NAA60: variants seen among roughly 807,000 people sequenced by gnomAD.
NAA60 encodes the protein N-alpha-acetyltransferase 60, NatF catalytic subunit.
A neutral mutation model predicts 26.1 loss-of-function variants in NAA60; 8 were observed. That is an observed-to-expected ratio of 0.31 (90% CI 0.18 to 0.55). The LOEUF is 0.55. Ranked by LOEUF, NAA60 falls within the 20% of genes least tolerant of loss-of-function variation. NAA60 has a pLI of 0.93. For missense variants in NAA60, 290 were observed against 311.3 expected (o/e 0.93, Z 0.51); for synonymous variants, 131 against 122.5 (o/e 1.07, Z -0.46).
chr16:3,482,553 A>G lies in NAA60; in HGVS notation c.292A>G (p.Ile98Val), dbSNP rs2036905132. Reference protein sequence around the residue: ...NFSVDTQVAYILSLGVVKEFR... With the variant: ...NFSVDTQVAYVLSLGVVKEFR... ...CTCTGTTGACACACAAGTCGCGTACATCCTAAGTCTGGGCGTCGTGAAAGA... is the reference window on the plus strand; with the variant it reads ...CTCTGTTGACACACAAGTCGCGTACGTCCTAAGTCTGGGCGTCGTGAAAGA... Residue 98 changes from isoleucine (I) to valine (V), a missense_variant, in exon 5 of 8, where the codon ATC becomes GTC. Ile to Val is a conservative substitution (Grantham distance 29). Coordinates refer to ENST00000407558, the MANE Select transcript of NAA60 (RefSeq NM_001083601.3). 1 of 1,609,708 alleles carries G rather than the reference A, an allele frequency of 6.2e-7. No individual in the cohort carries two copies. The highest frequency in any genetic ancestry group is 1.3e-5 in the African/African-American group (1 of 74,876).
intron 2 of NAA60, among the ~76,000 whole-genome samples, chr16:3,449,743 G>A (rs1468900466): frequency 6.6e-6 from 1 of 152,102 alleles, no homozygotes; most frequent in Non-Finnish European, 1.5e-5. Context: ...TATTATGGGA[G>A]GGACCCAGTA....
chr16:3,475,107 T>TTTTTGG (rs2036397042), intron 2 of NAA60, among the ~76,000 whole-genome samples: 1 of 150,418 alleles, frequency 6.6e-6, no homozygotes, highest in African/African-American at 2.4e-5. Context: ...TTTTTTTTTT[T>TTTTTGG]GAGATGGAGT....
chr16:3,470,788 A>G (rs1466341710), intron 2 of NAA60, among the ~76,000 whole-genome samples: 5 of 152,214 alleles, frequency 3.3e-5, no homozygotes, highest in Non-Finnish European at 7.3e-5. Flanking sequence ...CTGCCTCCGC[A>G]GCAGTGGACC....
In NAA60 at chr16:3,483,411, A is replaced by G. The variant is rs561023051; in HGVS notation, c.386A>G (p.Gln129Arg). The G allele has an allele frequency of 3.7e-6, 6 of 1,613,880 alleles. No homozygotes were observed. In the African/African-American group the frequency reaches 5.3e-5, roughly 14 times the overall value. ...SLKDHISTTA[Q>R]DHCKAIYLHV... ...AAGGATCACATATCAACCACCGCCC[A>G]GGACCACTGCAAAGCCATTTACCTG... Residue 129 changes from glutamine (Q) to arginine (R), a missense_variant, in exon 6 of 8, where the codon CAG becomes CGG. By Grantham distance (43) the Gln-to-Arg change is conservative. Transcript: ENST00000407558.
intron 2 of NAA60, among the ~76,000 whole-genome samples, chr16:3,469,609 C>T (rs137880017): frequency 1.5e-4 from 18 of 118,796 alleles, no homozygotes; most frequent in Admixed American, 3.6e-4. Context: ...CTTGCTGCTC[C>T]GCACTGCACT....
rs1407868904 is a variant in NAA60, at chr16:3,485,953, C to T, written c.*693C>T. 3.3e-6 allele frequency: 1 copy of T among 303,338 alleles called. No homozygotes were observed. The highest frequency in any genetic ancestry group is 9.4e-5 in the East Asian group (1 of 10,602). 18.8% of individuals were successfully genotyped at this position (303,338 alleles called of 1,614,324 possible). A position where few individuals can be genotyped will look rare whatever the true frequency, so the allele number is the denominator to read the frequency against. ...CACCTTCCGTGCAGTTACCAGTGCC[C>T]TGGGAGGTCACACTGCCCGTCGGAC... On this transcript the variant is annotated 3_prime_UTR_variant, in exon 8 of 8. Transcript: ENST00000407558.
At chr16:3,472,713 A>G (rs999784967) in intron 2 of NAA60, among the ~76,000 whole-genome samples, 1 of 152,186 alleles carries the variant, frequency 6.6e-6, no homozygotes, top group Non-Finnish European at 1.5e-5. Flanking sequence ...GATTACAGGC[A>G]TGAGCCACCG....
chr16:3,467,049 G>T (rs1020271048), intron 2 of NAA60, among the ~76,000 whole-genome samples: 1 of 152,098 alleles, frequency 6.6e-6, no homozygotes, highest in Non-Finnish European at 1.5e-5. Flanking sequence ...TCAGAGGTGC[G>T]GAAAGCCTGA....
At chr16:3,471,292 G>A (rs1228052150) in intron 2 of NAA60, among the ~76,000 whole-genome samples, 3 of 152,118 alleles carry the variant, frequency 2.0e-5, no homozygotes, top group Non-Finnish European at 2.9e-5. Context: ...ATGAGGTCAG[G>A]AGATCGAGAC....
In NAA60 at chr16:3,486,115, C is replaced by T. The variant is rs952296918; in HGVS notation, c.*855C>T. 9 of 189,222 alleles carry T rather than the reference C, an allele frequency of 4.8e-5. No individual in the cohort carries two copies. Among genetic ancestry groups the T allele is most frequent in the Non-Finnish European group, 7.9e-5 (7 of 88,384 alleles). The allele number at this position is 189,222 out of a possible 1,614,324, so 11.7% of individuals were successfully genotyped here. ...CATGCAGACAGGAGGAAGCTGAGCT[C>T]GACATTAGGCCTCAAGGCTGCCATC... On this transcript the variant is annotated 3_prime_UTR_variant, in exon 8 of 8. Coordinates refer to ENST00000407558, the MANE Select transcript of NAA60 (RefSeq NM_001083601.3).
upstream of NAA60, chr16:3,443,665 T>C: frequency 7.4e-7 from 1 of 1,357,048 alleles, no homozygotes; most frequent in Non-Finnish European, 9.6e-7. Context: ...CCTCCTTTTC[T>C]CTAAGCAACC....
chr16:3,450,135 G>A (rs1442204353), intron 2 of NAA60: 2 of 375,902 alleles, frequency 5.3e-6, no homozygotes, highest in Non-Finnish European at 9.4e-6. Flanking sequence ...TTTGATCCAT[G>A]CATACATTAA....
At chr16:3,470,556 G>A (rs1190002879) in intron 2 of NAA60, among the ~76,000 whole-genome samples, 1 of 152,198 alleles carries the variant, frequency 6.6e-6, no homozygotes, top group African/African-American at 2.4e-5. Context: ...CTCATAGCCA[G>A]CTCCGTCTCT....
intron 2 of NAA60, chr16:3,448,863 A>C: frequency 4.0e-6 from 1 of 248,612 alleles, no homozygotes. Context: ...CACACTGACA[A>C]TGTTAGTGGA....
At chr16:3,476,500 C>T (rs552659020) in intron 3 of NAA60, among the ~76,000 whole-genome samples, 163 bp downstream of exon 3, 7 of 152,284 alleles carry the variant, frequency 4.6e-5, no homozygotes, top group Admixed American at 1.3e-4. Flanking sequence ...CATCTAGGGA[C>T]CCCTGCTGCT....
chr16:3,471,326 C>A (rs1007142658), intron 2 of NAA60, among the ~76,000 whole-genome samples: 2 of 151,902 alleles, frequency 1.3e-5, no homozygotes, highest in African/African-American at 4.8e-5. Flanking sequence ...AAGGTGAAAC[C>A]CCATCTCTAC....
Position 3,443,696 on chromosome 16 carries a change from G to C in NAA60, c.-218G>C, listed in dbSNP as rs1432718213. Reference sequence around the variant, plus strand: ...CAACCATTTCCGCTTCCGCTGGCGGGGTCTCCTCCGTGAGCTCCGGGCCTG... The same window carrying C: ...CAACCATTTCCGCTTCCGCTGGCGGCGTCTCCTCCGTGAGCTCCGGGCCTG... On this transcript the variant is annotated 5_prime_UTR_variant, in exon 1 of 8. Transcript: ENST00000407558. The C allele has an allele frequency of 7.1e-6, 10 of 1,412,292 alleles. No homozygotes were observed. In the South Asian group the frequency reaches 7.6e-5, roughly 11 times the overall value. The allele number at this position is 1,412,292 out of a possible 1,614,324, so 87.5% of individuals were successfully genotyped here. A position where few individuals can be genotyped will look rare whatever the true frequency, so the allele number is the denominator to read the frequency against.
chr16:3,457,967 C>T (rs2035087128), intron 2 of NAA60: 2 of 985,018 alleles, frequency 2.0e-6, no homozygotes, highest in Non-Finnish European at 2.4e-6. Flanking sequence ...GGGGCGGGGC[C>T]ACGTGGGGGC....
At chr16:3,466,496 A>G (rs1222596600) in intron 2 of NAA60, among the ~76,000 whole-genome samples, 4 of 152,328 alleles carry the variant, frequency 2.6e-5, no homozygotes, top group Admixed American at 1.3e-4. Context: ...CCTTGAGCCC[A>G]TTTCACTGAT....
Sources: gnomAD v4.1 joint callset for allele counts (sites outside exome capture counted in the v4.1 genomes callset) on GRCh38, gnomAD v4.1.1 for gene constraint, MANE v1.5 for transcripts, NCBI Gene and HGNC (gene_info 2026-07-23, HGNC 2026-07-21) for gene names.